POLR2B: variants seen among roughly 807,000 people sequenced by gnomAD.
POLR2B encodes RNA polymerase II subunit B, also known as DNA-directed RNA polymerase II subunit RPB2.
POLR2B carries 57 observed loss-of-function variants against 144.6 expected under a neutral mutation model. That is an observed-to-expected ratio of 0.39 (90% CI 0.32 to 0.49). The LOEUF (loss-of-function observed/expected upper bound fraction) is 0.49, where lower values mean the gene tolerates loss of function less well. POLR2B is among the 20% of genes least tolerant of loss of function. POLR2B has a pLI of 0.83. For synonymous variants in POLR2B, 442 were observed against 469.8 expected (o/e 0.94, Z 0.77); for missense variants, 595 against 1,467.4 (o/e 0.41, Z 9.71).
At chr4:56,992,911 G>A (rs561184543) in intron 3 of POLR2B, among the ~76,000 whole-genome samples, 287 of 152,138 alleles carry the variant, frequency 1.9e-3, no homozygotes, top group Non-Finnish European at 3.0e-3. Flanking sequence ...GAATGTCATT[G>A]GATGTTATGA....
chr4:57,029,322 T>C (rs1370576403), intron 23 of POLR2B, among the ~76,000 whole-genome samples: 1 of 152,228 alleles, frequency 6.6e-6, no homozygotes, highest in Admixed American at 6.5e-5. Context: ...CTTTGTTTCC[T>C]CAACTGTTTG....
rs749953996 is a variant in POLR2B at position 57,022,140 on chromosome 4, A to G, written c.2421-12A>G. 2 of 1,499,910 alleles carry G rather than the reference A, an allele frequency of 1.3e-6. No homozygotes were observed. Among genetic ancestry groups the G allele is most frequent in the East Asian group, 2.3e-5 (1 of 44,284 alleles). The allele number at this position is 1,499,910 out of a possible 1,614,324, so 92.9% of individuals were successfully genotyped here. On this transcript the variant is annotated splice_polypyrimidine_tract_variant and intron_variant, in intron 17 of 24. Transcript: ENST00000314595. Reference sequence around the variant, plus strand: ...GAAAATAGACTTTACCTTTAGAACCATGTGTTTTTAGGTCTGTTTTCTATC... The same window carrying G: ...GAAAATAGACTTTACCTTTAGAACCGTGTGTTTTTAGGTCTGTTTTCTATC...
In POLR2B at chr4:57,005,582, C is replaced by CTTT. The variant is rs367918481; in HGVS notation, c.1098-7_1098-5dup. Reference sequence around the variant, plus strand: ...AAGTGTTTTCCCTCTTTCTTTCTTTCTTTTTTTTTTTTTAAAGATACATGG... The same window carrying CTTT: ...AAGTGTTTTCCCTCTTTCTTTCTTTCTTTTTTTTTTTTTTTTAAAGATACATGG... On this transcript the variant is annotated splice_polypyrimidine_tract_variant and intron_variant, in intron 8 of 24. Transcript: ENST00000314595. 3,455 of 1,332,502 alleles carry CTTT rather than the reference C, an allele frequency of 2.6e-3. No individual in the cohort carries two copies. The highest frequency in any genetic ancestry group is 9.6e-3 in the East Asian group (379 of 39,406). 82.5% of individuals were successfully genotyped at this position (1,332,502 alleles called of 1,614,324 possible).
In POLR2B at chr4:57,024,046, C is replaced by T; in HGVS notation, c.2898C>T (p.Ile966=). 1 of 1,611,032 alleles carries T rather than the reference C, an allele frequency of 6.2e-7. No individual in the cohort carries two copies. Among genetic ancestry groups the T allele is most frequent in the South Asian group, 1.1e-5 (1 of 90,836 alleles). The change falls in exon 21 of 25, where the codon ATC becomes ATT. Residue 966 remains isoleucine (I), a synonymous_variant. Coordinates refer to ENST00000314595, the MANE Select transcript of POLR2B (RefSeq NM_000938.3). ...GTGAAGGTATCACCCCTGATATCAT[C>T]ATCAATCCCCATGCCATCCCCTCTC... ...FTCEGITPDI[I]INPHAIPSRM... is the part of the protein sequence containing the mutation.
intron 6 of POLR2B, among the ~76,000 whole-genome samples, chr4:56,999,217 T>C (rs1400977535): frequency 2.7e-5 from 4 of 150,022 alleles, no homozygotes; most frequent in Admixed American, 1.3e-4. Flanking sequence ...TGTCTCTTTT[T>C]TTTTTTTTTT....
Position 57,017,068 on chromosome 4 carries a change from G to C in POLR2B, c.1981G>C (p.Val661Leu). 1 of 1,608,554 alleles carries C rather than the reference G, an allele frequency of 6.2e-7. No homozygotes were observed. Among genetic ancestry groups the C allele is most frequent in the South Asian group, 1.1e-5 (1 of 90,368 alleles). The change falls in exon 15 of 25, where the codon GTA (valine) becomes CTA (leucine). Residue 661 changes from valine to leucine, a missense_variant. Around this residue, in one of 9 missense-constraint regions of POLR2B, gnomAD observed 59 missense variants for 84.2 expected, o/e 0.70. Transcript: ENST00000314595. This position sits in a 1 kb window ranked among gnomAD's most constrained non-coding sequence, Gnocchi z 4.8. ...TTGGCAGGATCTTGTGGCCAGTGGG[G>C]TAGTGGAGTATATTGATACCCTGGA... is the stretch of plus-strand genomic sequence containing the variant. ...YSWQDLVASG[V>L]VEYIDTLEEE...
intron 13 of POLR2B, among the ~76,000 whole-genome samples, chr4:57,012,996 A>G (rs1339658204): frequency 2.0e-5 from 3 of 152,206 alleles, no homozygotes; most frequent in South Asian, 2.1e-4. Flanking sequence ...GCCTGCCACC[A>G]TGCCTGGCTA....
chr4:57,025,551 C>T lies in POLR2B; in HGVS notation c.3239+14C>T, dbSNP rs754158282. 11 of 1,515,966 alleles carry T rather than the reference C, an allele frequency of 7.3e-6. No individual in the cohort carries two copies. Among genetic ancestry groups the T allele is most frequent in the Non-Finnish European group, 9.1e-6 (10 of 1,096,260 alleles). 93.9% of individuals were successfully genotyped at this position (1,515,966 alleles called of 1,614,324 possible). On this transcript the variant is annotated intron_variant, in intron 23 of 24. Coordinates refer to ENST00000314595, the MANE Select transcript of POLR2B (RefSeq NM_000938.3). ...GGGTAGATCTCGGTAAGAACTGTATCATCATCATTATTATTAATTAACCTT... is the reference window on the plus strand; with the variant it reads ...GGGTAGATCTCGGTAAGAACTGTATTATCATCATTATTATTAATTAACCTT...
At chr4:57,002,344 C>T (rs1381415512) in intron 7 of POLR2B, among the ~76,000 whole-genome samples, 2 of 151,916 alleles carry the variant, frequency 1.3e-5, no homozygotes, top group African/African-American at 2.4e-5. Flanking sequence ...CTGGAGTTTT[C>T]GTAGTAAAGT....
intron 1 of POLR2B, among the ~76,000 whole-genome samples, chr4:56,980,800 C>A (rs542129899): frequency 6.4e-4 from 98 of 151,950 alleles, no homozygotes; most frequent in Non-Finnish European, 1.0e-3. Context: ...AGGTTCTTAT[C>A]ACTCCACAGT....
intron 1 of POLR2B, chr4:56,985,574 T>A: frequency 1.6e-6 from 1 of 610,970 alleles, no homozygotes; most frequent in South Asian, 7.3e-5. Flanking sequence ...CTAATTTTTG[T>A]CTTTTTTAGT....
In POLR2B at chr4:57,024,121, T is replaced by C; in HGVS notation, c.2964+9T>C. ...AATGCCTTCAAGGGAAGGTAAGAGATGTTCTTCAAAAATATAGATTCTAAG... is the reference window on the plus strand; with the variant it reads ...AATGCCTTCAAGGGAAGGTAAGAGACGTTCTTCAAAAATATAGATTCTAAG... On this transcript the variant is annotated intron_variant, in intron 21 of 24. Transcript: ENST00000314595. 1 of 1,386,268 alleles carries C rather than the reference T, an allele frequency of 7.2e-7. No homozygotes were observed. Among genetic ancestry groups the C allele is most frequent in the Middle Eastern group, 1.8e-4 (1 of 5,626 alleles). The allele number at this position is 1,386,268 out of a possible 1,614,324, so 85.9% of individuals were successfully genotyped here.
intron 10 of POLR2B, among the ~76,000 whole-genome samples, chr4:57,008,196 C>T (rs1261276102): frequency 1.5e-5 from 2 of 131,144 alleles, no homozygotes; most frequent in Non-Finnish European, 3.1e-5. Context: ...AAATTCAGTT[C>T]AAGGAATTGG....
intron 3 of POLR2B, among the ~76,000 whole-genome samples, chr4:56,992,320 C>A (rs963190811): frequency 2.0e-5 from 3 of 150,932 alleles, no homozygotes; most frequent in African/African-American, 7.3e-5. Flanking sequence ...CAAAAATTAG[C>A]CGGGTGTGGT....
rs777725266 is a variant in POLR2B at position 57,017,837 on chromosome 4, G to T, written c.2323+109G>T. 2 of 656,412 alleles carry T rather than the reference G, an allele frequency of 3.0e-6. No homozygotes were observed. The highest frequency in any genetic ancestry group is 5.0e-6 in the Non-Finnish European group (2 of 399,706). 40.7% of individuals were successfully genotyped at this position (656,412 alleles called of 1,614,324 possible). On this transcript the variant is annotated intron_variant, in intron 16 of 24. Transcript: ENST00000314595. The surrounding 1 kb of genome is among the most constrained non-coding windows in gnomAD (Gnocchi z 4.8). ...AATATGACATAGTGCCTGTTCTCAC[G>T]GAATTTATAATATGGTGGGAAACAT... is the stretch of plus-strand genomic sequence containing the variant.
chr4:57,031,077 G>A lies in POLR2B; in HGVS notation c.*89G>A. ...TTTAAAAATGACAAATATGTACTGT[G>A]TTGTGATAAAAAGTATTTTATTTGT... On this transcript the variant is annotated 3_prime_UTR_variant, in exon 25 of 25. Coordinates refer to ENST00000314595, the MANE Select transcript of POLR2B (RefSeq NM_000938.3). 1.2e-6 allele frequency: 1 copy of A among 838,562 alleles called. No individual in the cohort carries two copies. Among genetic ancestry groups the A allele is most frequent in the South Asian group, 1.5e-5 (1 of 67,878 alleles). The allele number at this position is 838,562 out of a possible 1,614,324, so 51.9% of individuals were successfully genotyped here. A position where few individuals can be genotyped will look rare whatever the true frequency, so the allele number is the denominator to read the frequency against.
intron 1 of POLR2B, among the ~76,000 whole-genome samples, chr4:56,980,045 G>A (rs527417221): frequency 3.2e-4 from 49 of 151,162 alleles, no homozygotes; most frequent in Admixed American, 5.9e-4. Context: ...ATTCCCTCAG[G>A]TACTTCTGAT....
intron 2 of POLR2B, among the ~76,000 whole-genome samples, chr4:56,989,492 A>G (rs1722445506): frequency 6.6e-6 from 1 of 152,204 alleles, no homozygotes; most frequent in African/African-American, 2.4e-5. Flanking sequence ...GCCATACTTG[A>G]CTGGATCAGG....
In POLR2B at chr4:57,023,392, G is replaced by A; in HGVS notation, c.2578G>A (p.Val860Ile). 1 of 1,613,788 alleles carries A rather than the reference G, an allele frequency of 6.2e-7. No individual in the cohort carries two copies. Among genetic ancestry groups the A allele is most frequent in the Non-Finnish European group, 8.5e-7 (1 of 1,179,706 alleles). The change falls in exon 19 of 25, where the codon GTA becomes ATA. Residue 860 changes from valine to isoleucine, a missense_variant. Val to Ile is a conservative substitution (Grantham distance 29). This residue lies in a region of POLR2B where 75 missense variants were observed against 100.0 expected (regional missense o/e 0.75). Coordinates refer to ENST00000314595, the MANE Select transcript of POLR2B (RefSeq NM_000938.3). This position sits in a 1 kb window ranked among gnomAD's most constrained non-coding sequence, Gnocchi z 4.3. ...TGGTTTGATAGCTCCAGGGGTTCGTGTATCAGGAGATGATGTTATTATAGG... is the reference window on the plus strand; with the variant it reads ...TGGTTTGATAGCTCCAGGGGTTCGTATATCAGGAGATGATGTTATTATAGG... ...DDGLIAPGVR[V>I]SGDDVIIGKT...
Sources: allele counts gnomAD v4.1 joint callset (sites outside exome capture counted in the v4.1 genomes callset), GRCh38; gene constraint gnomAD v4.1.1; regional missense constraint gnomAD v4.1.1; non-coding constraint Gnocchi (gnomAD v3.1); transcripts MANE v1.5; gene names NCBI Gene and HGNC (gene_info 2026-07-23, HGNC 2026-07-21).